Variants in DDX49 observed in about 807,000 individuals in gnomAD.
The protein encoded by DDX49 is probable ATP-dependent RNA helicase DDX49.
In DDX49, 50 loss-of-function variants were observed where a neutral mutation model predicts 56.3. That is an observed-to-expected ratio of 0.89 (90% CI 0.71 to 1.12). The LOEUF (loss-of-function observed/expected upper bound fraction) is 1.12. Among genes scored for constraint, DDX49 ranks in the 50% most tolerant of loss-of-function variants. The pLI is 0.00. For missense variants in DDX49, 614 were observed against 650.5 expected, an observed-to-expected ratio of 0.94 and a Z score of 0.61; for synonymous variants, 269 against 270.6, an observed-to-expected ratio of 0.99 and a Z score of 0.06.
rs370868552 is a variant in DDX49 at position 18,921,766 on chromosome 19, C to A, written c.325+18C>A. 1 of 1,614,028 alleles carries A rather than the reference C, an allele frequency of 6.2e-7. No homozygotes were observed. The highest frequency in any genetic ancestry group is 1.7e-5 in the Admixed American group (1 of 60,014). On this transcript the variant is annotated intron_variant, in intron 3 of 12. Transcript: ENST00000247003. ...TGGCATGGGTACGGGAGCTGGGAGG[C>A]GGGGGAAGCCCCAGCATGGGACCCT... is the stretch of plus-strand genomic sequence containing the variant.
intron 6 of DDX49, among the ~76,000 whole-genome samples, chr19:18,923,057 G>A (rs2056932344): frequency 6.6e-6 from 1 of 152,156 alleles, no homozygotes. Context: ...AGGAAGTTGT[G>A]ACAACTAACA....
At chr19:18,924,177 A>T in intron 6 of DDX49, 56 bp from the exon 7 acceptor site, 2 of 1,576,394 alleles carry the variant, frequency 1.3e-6, no homozygotes, top group South Asian at 2.2e-5. Flanking sequence ...GGGGGCAGGA[A>T]CACCTTCCCA....
chr19:18,926,520 C>A, intron 10 of DDX49, 143 bp downstream of exon 10: 1 of 847,578 alleles, frequency 1.2e-6, no homozygotes, highest in Non-Finnish European at 1.9e-6. Flanking sequence ...CTTCCCTAGG[C>A]ACCCCCAAAA....
Position 18,921,733 on chromosome 19 carries a change from A to C in DDX49, c.310A>C (p.Ile104Leu). ...GCCTCTAGGGCTGAAAGACTGCATC[A>C]TCGTCGGTGGCATGGGTACGGGAGC... Reference protein sequence around the residue: ...GKPLGLKDCIIVGGMDMVAQA... With the variant: ...GKPLGLKDCILVGGMDMVAQA... Residue 104 changes from isoleucine to leucine, a missense_variant, in exon 3 of 13, where the codon ATC (isoleucine) becomes CTC (leucine). Physicochemically the swap from Ile to Leu is conservative, Grantham distance 5. Coordinates refer to ENST00000247003, the MANE Select transcript of DDX49 (RefSeq NM_019070.5). 5 of 1,614,072 alleles carry C rather than the reference A, an allele frequency of 3.1e-6. No individual in the cohort carries two copies. The highest frequency in any genetic ancestry group is 4.2e-6 in the Non-Finnish European group (5 of 1,179,992).
chr19:18,927,279 A>AT (rs1347298288), intron 10 of DDX49, among the ~76,000 whole-genome samples: 2 of 151,990 alleles, frequency 1.3e-5, no homozygotes, highest in Non-Finnish European at 2.9e-5. Context: ...CCAACTACTC[A>AT]AGAGGCTGAG....
rs773452817 is a variant in DDX49 at position 18,927,878 on chromosome 19, A to ATCT, written c.1191+24_1191+25insTCT. ...TCGTGAGTGTCAGAGGCGGGCAGGA[A>ATCT]CTAAAGTGCTCTCCAGGGCCGGGGG... On this transcript the variant is annotated intron_variant, in intron 11 of 12. Transcript: ENST00000247003. 7 of 1,613,864 alleles carry ATCT rather than the reference A, an allele frequency of 4.3e-6. No homozygotes were observed. The African/African-American group carries it at 9.3e-5, about 22-fold the overall frequency.
At chr19:18,919,888 C>A in intron 1 of DDX49, 32 bp downstream of exon 1, 2 of 1,455,134 alleles carry the variant, frequency 1.4e-6, no homozygotes, top group Non-Finnish European at 1.9e-6. Flanking sequence ...CCCCAAGAGG[C>A]CTCTCCGCTC....
chr19:18,924,227 C>T lies in DDX49; in HGVS notation c.777-6C>T, dbSNP rs759811880. 14 of 1,613,794 alleles carry T rather than the reference C, an allele frequency of 8.7e-6. No individual in the cohort carries two copies. The highest frequency in any genetic ancestry group is 2.7e-5 in the African/African-American group (2 of 74,920). On this transcript the variant is annotated splice_region_variant and splice_polypyrimidine_tract_variant and intron_variant, in intron 6 of 12. Coordinates refer to ENST00000247003, the MANE Select transcript of DDX49 (RefSeq NM_019070.5). ...GAGGGGTTGACAGGCACATCCTTCC[C>T]GCCAGGACCTGCCAGATTCTGTGCA...
chr19:18,924,427 C>G, intron 7 of DDX49, 119 bp downstream of exon 7: 1 of 1,150,786 alleles, frequency 8.7e-7, no homozygotes, highest in Non-Finnish European at 1.3e-6. Context: ...TCTTCTGGTC[C>G]CAGAATATCG....
intron 10 of DDX49, 66 bp downstream of exon 10, chr19:18,926,443 G>A: frequency 8.2e-7 from 1 of 1,217,638 alleles, no homozygotes; most frequent in Non-Finnish European, 1.2e-6. Context: ...GCACCTCGGG[G>A]TGAGACCCAT....
At chr19:18,923,203 G>A (rs1014615651) in intron 6 of DDX49, among the ~76,000 whole-genome samples, 5 of 152,118 alleles carry the variant, frequency 3.3e-5, no homozygotes, top group Non-Finnish European at 7.3e-5. Context: ...AAATCAAGGC[G>A]CTTTAAATGC....
At chr19:18,926,203 A>G (rs773136216) in intron 9 of DDX49, 100 bp from the exon 10 acceptor site, 40 of 1,266,762 alleles carry the variant, frequency 3.2e-5, no homozygotes, top group Non-Finnish European at 4.3e-5. Flanking sequence ...CTTGTTCAGC[A>G]TCTCCAGGAC....
At chr19:18,923,248 G>A (rs973350150) in intron 6 of DDX49, among the ~76,000 whole-genome samples, 37 of 152,182 alleles carry the variant, frequency 2.4e-4, no homozygotes, top group African/African-American at 8.0e-4. Flanking sequence ...GGGACTGGGT[G>A]CAGTGACTCA....
At chr19:18,922,766 C>T (rs773768124) in intron 6 of DDX49, 22 bp downstream of exon 6, 1 of 1,604,198 alleles carries the variant, frequency 6.2e-7, no homozygotes, top group Non-Finnish European at 8.5e-7. Flanking sequence ...CCGCCTCTCC[C>T]CTCCCACCGC....
chr19:18,926,400 GTAGAGAAGGAGGGGTGGGGT>G, intron 10 of DDX49, 23 bp downstream of exon 10: 1 of 554,294 alleles, frequency 1.8e-6, no homozygotes, highest in Non-Finnish European at 3.2e-6. Context: ...GGGGTGGGTG[GTAGAGAAGGAGGGGTGGGGT>G]GGGCAGAGGT....
At chr19:18,927,731 C>G in intron 10 of DDX49, 35 bp from the exon 11 acceptor site, 1,584 of 1,291,300 alleles carry the variant, frequency 1.2e-3, no homozygotes, top group Non-Finnish European at 1.6e-3. Context: ...CACGTCTCCT[C>G]CCCACCCCCA....
intron 6 of DDX49, among the ~76,000 whole-genome samples, chr19:18,923,692 T>TTTCCAGCC (rs1203309203): frequency 6.6e-6 from 1 of 152,082 alleles, no homozygotes; most frequent in Non-Finnish European, 1.5e-5. Context: ...AGCAAGTCAG[T>TTTCCAGCC]TTCCAGCCTT....
At chr19:18,924,834 G>C (rs185451756) in intron 8 of DDX49, 48 bp from the exon 9 acceptor site, 1 of 1,611,904 alleles carries the variant, frequency 6.2e-7, no homozygotes, top group African/African-American at 1.3e-5. Flanking sequence ...TCCTTGCCTC[G>C]GTTTCCCCAC....
Position 18,924,983 on chromosome 19 carries a change from A to T in DDX49, c.1027+4A>T. 6.2e-7 allele frequency: 1 copy of T among 1,609,562 alleles called. No homozygotes were observed. Among genetic ancestry groups the T allele is most frequent in the Non-Finnish European group, 8.5e-7 (1 of 1,179,562 alleles). On this transcript the variant is annotated splice_donor_region_variant and intron_variant, in intron 9 of 12. Transcript: ENST00000247003. ...GTCGGCCGGACGGCCCGTGCAGGTG[A>T]GCAGTGGAGGGGGAGGCCGAGCCTT...
Sources: allele counts gnomAD v4.1 joint callset (sites outside exome capture counted in the v4.1 genomes callset), GRCh38; gene constraint gnomAD v4.1.1; transcripts MANE v1.5; gene names NCBI Gene and HGNC (gene_info 2026-07-23, HGNC 2026-07-21).